Variants in CSNK1D observed in about 807,000 individuals in gnomAD.
CSNK1D encodes the protein casein kinase 1 delta.
In CSNK1D, 16 loss-of-function variants were observed where a neutral mutation model predicts 46.6. The ratio of observed to expected loss-of-function variants is 0.34; its 90% CI spans 0.23 to 0.52. The LOEUF (loss-of-function observed/expected upper bound fraction) is 0.52, where lower values mean the gene tolerates loss of function less well. CSNK1D is among the 20% of genes least tolerant of loss of function. The pLI is 0.95. For missense variants in CSNK1D, 398 were observed against 578.4 expected (o/e 0.69, Z 3.20); for synonymous variants, 276 against 228.2 (o/e 1.21, Z -1.89).
At position 82,255,249 on chromosome 17, in the gene CSNK1D, G is replaced by A. The variant is rs576032206; in HGVS notation, c.336+180C>T. The A allele has an allele frequency of 4.2e-5, 27 of 636,896 alleles. No homozygotes were observed. Among genetic ancestry groups the A allele is most frequent in the East Asian group, 1.6e-4 (5 of 31,126 alleles). 39.5% of individuals were successfully genotyped at this position (636,896 alleles called of 1,614,324 possible). On this transcript the variant is annotated intron_variant, in intron 3 of 8. Coordinates refer to ENST00000314028, the MANE Select transcript of CSNK1D (RefSeq NM_001893.6). The surrounding 1 kb of genome is among the most constrained non-coding windows in gnomAD (Gnocchi z 5.9). ...CCGGAGCCTCGAGAAGCCAGTGAGC[G>A]GAGCCACCGGAGCCTCGAGAAGCCA...
chr17:82,239,216 C>T (rs2050701076), downstream of CSNK1D: 1 of 373,366 alleles, frequency 2.7e-6, no homozygotes, highest in Non-Finnish European at 4.8e-6. Flanking sequence ...TCACCAGGGG[C>T]CCCGCCTGCT....
chr17:82,240,220 G>T, downstream of CSNK1D: 1 of 454,148 alleles, frequency 2.2e-6, no homozygotes. Context: ...CTGGCGGGCA[G>T]TGCCAGCAGT....
intron 1 of CSNK1D, among the ~76,000 whole-genome samples, chr17:82,269,562 T>C (rs1197757815): frequency 6.6e-6 from 1 of 152,164 alleles, no homozygotes; most frequent in Non-Finnish European, 1.5e-5. Flanking sequence ...CTTGTGCACA[T>C]TATGAAGTCA....
rs1429415850 is a variant in CSNK1D, at chr17:82,254,540, C to G, written c.336+889G>C. On this transcript the variant is annotated intron_variant, in intron 3 of 8. Coordinates refer to ENST00000314028, the MANE Select transcript of CSNK1D (RefSeq NM_001893.6). ...GCCGCCGGAGCCTCCAGAAGCCAGT[C>G]AGCTGAGCCGCCGGAGCCTCGAGAC... 2.4e-3 allele frequency: 192 copies of G among 79,750 alleles called. 1 individual carries two copies. Among genetic ancestry groups the G allele is most frequent in the African/African-American group, 3.5e-3 (41 of 11,664 alleles). 4.9% of individuals were successfully genotyped at this position (79,750 alleles called of 1,614,324 possible).
chr17:82,251,925 C>T lies in CSNK1D; in HGVS notation c.737-398G>A, dbSNP rs1235743662. 9.4e-6 allele frequency: 3 copies of T among 319,698 alleles called. No individual in the cohort carries two copies. Among genetic ancestry groups the T allele is most frequent in the African/African-American group, 2.2e-5 (1 of 45,740 alleles). The allele number at this position is 319,698 out of a possible 1,614,324, so 19.8% of individuals were successfully genotyped here. ...AGGAGAATGGTATGAACCCGGGAGGCGGAGCTTGCAGTGAGCCGAGATCAC... is the reference window on the plus strand; with the variant it reads ...AGGAGAATGGTATGAACCCGGGAGGTGGAGCTTGCAGTGAGCCGAGATCAC... On this transcript the variant is annotated intron_variant, in intron 5 of 8. Coordinates refer to ENST00000314028, the MANE Select transcript of CSNK1D (RefSeq NM_001893.6). The surrounding 1 kb of genome is among the most constrained non-coding windows in gnomAD (Gnocchi z 4.5).
intron 8 of CSNK1D, chr17:82,247,972 C>CA: frequency 1.0e-6 from 1 of 985,518 alleles, no homozygotes; most frequent in Non-Finnish European, 1.2e-6. Flanking sequence ...TAGCCAGCTA[C>CA]ACCCAGCCCC....
intron 2 of CSNK1D, among the ~76,000 whole-genome samples, chr17:82,258,200 G>A (rs977504633): frequency 6.6e-4 from 82 of 124,520 alleles, no homozygotes; most frequent in Non-Finnish European, 4.6e-4. Context: ...GAATGAGACC[G>A]TCTCAAAAAA....
intron 2 of CSNK1D, among the ~76,000 whole-genome samples, chr17:82,257,885 C>T (rs969063258): frequency 6.6e-6 from 1 of 152,112 alleles, no homozygotes; most frequent in Non-Finnish European, 1.5e-5. Context: ...AGCCATGAAA[C>T]GTTACTACAG....
At chr17:82,265,432 G>GCCTC in intron 2 of CSNK1D, 1 of 473,742 alleles carries the variant, frequency 2.1e-6, no homozygotes, top group Middle Eastern at 6.1e-4. Context: ...ACCCATCTTG[G>GCCTC]CCTCCCAAAG....
At chr17:82,270,407 C>T (rs1278156316) in intron 1 of CSNK1D, among the ~76,000 whole-genome samples, 1 of 152,082 alleles carries the variant, frequency 6.6e-6, no homozygotes, top group Non-Finnish European at 1.5e-5. Context: ...AACCCAAAAG[C>T]CAAGCTCAAA....
At position 82,258,795 on chromosome 17, in the gene CSNK1D, T is replaced by C. The variant is rs141216262; in HGVS notation, c.188-3218A>G. On this transcript the variant is annotated intron_variant, in intron 2 of 8. Transcript: ENST00000314028. ...ACTCAGGACTCCTCTTAACAGAGAA[T>C]GATAAATACTTAGAAACCCCTGAGG... 2.9e-3 allele frequency among the ~76,000 whole-genome samples: 445 copies of C among 152,338 alleles called. 2 individuals are homozygous for C. The highest frequency in any genetic ancestry group is 4.1e-3 in the Non-Finnish European group (278 of 68,032).
Position 82,252,896 on chromosome 17 carries a change from G to T in CSNK1D, c.565+120C>A. On this transcript the variant is annotated intron_variant, in intron 4 of 8. Transcript: ENST00000314028. The surrounding 1 kb of genome is among the most constrained non-coding windows in gnomAD (Gnocchi z 4.6). Reference sequence around the variant, plus strand: ...GCAGTCACGAGCCAGCCTGTCTGCCGCAAAGGTCTGATGACACGCTTGCAG... The same window carrying T: ...GCAGTCACGAGCCAGCCTGTCTGCCTCAAAGGTCTGATGACACGCTTGCAG... The T allele has an allele frequency of 1.0e-6, 1 of 958,918 alleles. No individual in the cohort carries two copies. 59.4% of individuals were successfully genotyped at this position (958,918 alleles called of 1,614,324 possible).
rs1391961821 is a variant in CSNK1D, at chr17:82,260,002, GTGACTGATGGTGTAC to G, written c.188-4440_188-4426del. Among the ~76,000 whole-genome samples, 416 of 150,948 alleles carry G rather than the reference GTGACTGATGGTGTAC, an allele frequency of 2.8e-3. 1 individual carries two copies. The highest frequency in any genetic ancestry group is 0.014 in the South Asian group (65 of 4,726). The stretch of plus-strand genomic sequence containing the variant: ...TGTGACTGATGGTGTACTGAGTGAT[GTGACTGATGGTGTAC>G]TGACTGATGGTGTACTGACTGATGT... On this transcript the variant is annotated intron_variant, in intron 2 of 8. Transcript: ENST00000314028.
intron 2 of CSNK1D, among the ~76,000 whole-genome samples, chr17:82,262,272 A>G (rs1200119784): frequency 6.6e-6 from 1 of 152,370 alleles, no homozygotes; most frequent in Non-Finnish European, 1.5e-5. Flanking sequence ...CAGCTGCTTC[A>G]GCAGTAGCCT....
intron 2 of CSNK1D, chr17:82,265,429 T>C: frequency 4.3e-6 from 2 of 469,984 alleles, no homozygotes; most frequent in Non-Finnish European, 7.9e-6. Context: ...TCCACCCATC[T>C]TGGCCTCCCA....
chr17:82,244,169 A>C lies in CSNK1D; in HGVS notation c.*612T>G. ...ACACACACCACGGACTTTTGATGAGAAATCTCCTCTCCAAAGCGGACAATA... is the reference window on the plus strand; with the variant it reads ...ACACACACCACGGACTTTTGATGAGCAATCTCCTCTCCAAAGCGGACAATA... On this transcript the variant is annotated 3_prime_UTR_variant, in exon 9 of 9. Coordinates refer to ENST00000314028, the MANE Select transcript of CSNK1D (RefSeq NM_001893.6). The C allele has an allele frequency of 4.0e-6, 4 of 1,007,968 alleles. No individual in the cohort carries two copies. Among genetic ancestry groups the C allele is most frequent in the Non-Finnish European group, 4.8e-6 (4 of 841,936 alleles). 62.4% of individuals were successfully genotyped at this position (1,007,968 alleles called of 1,614,324 possible).
At position 82,243,054 on chromosome 17, in the gene CSNK1D, A is replaced by C. The variant is rs2050767618; in HGVS notation, c.*1727T>G. ...AAGAAAATCTCTTAACTCGGCTCTG[A>C]CCCACCCCAACCTCCCTCTGTACTT... is the stretch of plus-strand genomic sequence containing the variant. On this transcript the variant is annotated 3_prime_UTR_variant, in exon 9 of 9. Transcript: ENST00000314028. 1 of 985,216 alleles carries C rather than the reference A, an allele frequency of 1.0e-6. No homozygotes were observed. The highest frequency in any genetic ancestry group is 6.2e-5 in the Admixed American group (1 of 16,246). The allele number at this position is 985,216 out of a possible 1,614,324, so 61.0% of individuals were successfully genotyped here. A position where few individuals can be genotyped will look rare whatever the true frequency, so the allele number is the denominator to read the frequency against.
At position 82,273,564 on chromosome 17, in the gene CSNK1D, G is replaced by A; in HGVS notation, c.-183C>T. 1 of 703,692 alleles carries A rather than the reference G, an allele frequency of 1.4e-6. No homozygotes were observed. Among genetic ancestry groups the A allele is most frequent in the Non-Finnish European group, 2.3e-6 (1 of 436,836 alleles). The allele number at this position is 703,692 out of a possible 1,614,324, so 43.6% of individuals were successfully genotyped here. A position where few individuals can be genotyped will look rare whatever the true frequency, so the allele number is the denominator to read the frequency against. On this transcript the variant is annotated 5_prime_UTR_variant, in exon 1 of 9. Coordinates refer to ENST00000314028, the MANE Select transcript of CSNK1D (RefSeq NM_001893.6). The surrounding 1 kb of genome is among the most constrained non-coding windows in gnomAD (Gnocchi z 5.1). ...CCCAGCGCCTCAATACGGGGCGGATGGGACAGTCCGAGCGCCGCCGCCGCT... is the reference window on the plus strand; with the variant it reads ...CCCAGCGCCTCAATACGGGGCGGATAGGACAGTCCGAGCGCCGCCGCCGCT...
At chr17:82,247,433 ACTTT>A in intron 8 of CSNK1D, 1 of 985,448 alleles carries the variant, frequency 1.0e-6, no homozygotes, top group South Asian at 4.7e-5. Flanking sequence ...TGGACACTTT[ACTTT>A]CTTTAAAAGA....
Sources: allele counts gnomAD v4.1 joint callset (sites outside exome capture counted in the v4.1 genomes callset), GRCh38; gene constraint gnomAD v4.1.1; non-coding constraint Gnocchi (gnomAD v3.1); transcripts MANE v1.5; gene names NCBI Gene and HGNC (gene_info 2026-07-23, HGNC 2026-07-21).